The following ASH1L variants were observed in gnomAD, a reference collection of about 807,000 sequenced individuals.
The protein encoded by ASH1L is histone-lysine N-methyltransferase ASH1L.
ASH1L carries 23 observed loss-of-function variants against 269.0 expected under a neutral mutation model. The ratio of observed to expected loss-of-function variants is 0.09; its 90% CI spans 0.06 to 0.12. ASH1L has a LOEUF of 0.12. Among genes scored for constraint, ASH1L ranks in the 10% least tolerant of loss-of-function variants. The probability of loss-of-function intolerance (pLI) is 1.00; values close to 1 mark genes in which losing one functional copy is unlikely to be tolerated. For missense variants in ASH1L, 2,912 were observed against 3,567.8 expected (o/e 0.82, Z 4.68); for synonymous variants, 1,187 against 1,253.5 (o/e 0.95, Z 1.12).
chr1:155,364,333 C>T (rs774027821), intron 12 of ASH1L, among the ~76,000 whole-genome samples: 9 of 152,108 alleles, frequency 5.9e-5, no homozygotes, highest in Non-Finnish European at 8.8e-5. Flanking sequence ...CACTAATTTC[C>T]GCTGGGGACA....
rs941197272 is a variant in ASH1L at position 155,521,506 on chromosome 1, T to C, written c.14A>G (p.Asn5Ser). ...AGAACCCAATCCTAACATAGCAGTA[T>C]TTCTAGGGTCCATCACAAGCGTATG... MDPR[N>S]TAMLGLGSDS... Residue 5 changes from asparagine to serine, a missense_variant, in exon 2 of 28, where the codon AAT (asparagine) becomes AGT (serine). By Grantham distance (46) the Asn-to-Ser change is conservative. Coordinates refer to ENST00000392403, the MANE Select transcript of ASH1L (RefSeq NM_018489.3). 1.2e-6 allele frequency: 2 copies of C among 1,610,740 alleles called. No homozygotes were observed. The highest frequency in any genetic ancestry group is 2.7e-5 in the African/African-American group (2 of 74,752).
intron 5 of ASH1L, among the ~76,000 whole-genome samples, chr1:155,418,873 T>A (rs183103464): frequency 3.3e-5 from 5 of 150,952 alleles, no homozygotes; most frequent in Admixed American, 2.0e-4. Flanking sequence ...ATTGTGACCA[T>A]CCTGGCTAAC....
intron 15 of ASH1L, among the ~76,000 whole-genome samples, chr1:155,356,219 G>C (rs1445945034): frequency 6.6e-6 from 1 of 152,108 alleles, no homozygotes; most frequent in Admixed American, 6.5e-5. Flanking sequence ...TTACAGGTGT[G>C]AGCCACTGCG....
chr1:155,509,614 C>G (rs1427528798), intron 2 of ASH1L, among the ~76,000 whole-genome samples: 1 of 151,936 alleles, frequency 6.6e-6, no homozygotes, highest in Non-Finnish European at 1.5e-5. Context: ...GCCTGACCAA[C>G]GTGAGGAAAG....
At chr1:155,420,847 T>TAAA (rs59908021) in intron 5 of ASH1L, among the ~76,000 whole-genome samples, 26 of 136,742 alleles carry the variant, frequency 1.9e-4, no homozygotes, top group African/African-American at 5.5e-4. Context: ...AAGGCTCCAT[T>TAAA]AAAAAAAAAA....
At position 155,483,565 on chromosome 1, in the gene ASH1L, G is replaced by A. The variant is rs367893599; in HGVS notation, c.421-1116C>T. 1.6e-4 allele frequency among the ~76,000 whole-genome samples: 24 copies of A among 152,058 alleles called. No individual in the cohort carries two copies. The South Asian group carries it at 2.3e-3, about 14-fold the overall frequency. On this transcript the variant is annotated intron_variant, in intron 2 of 27. Transcript: ENST00000392403. ...TATGAAAATGTACTGCATGGAAAACGCTACAATCTAGTTATAAACTAGAAA... is the reference window on the plus strand; with the variant it reads ...TATGAAAATGTACTGCATGGAAAACACTACAATCTAGTTATAAACTAGAAA...
chr1:155,470,726 AT>A (rs1183869618), intron 3 of ASH1L, among the ~76,000 whole-genome samples: 2 of 151,558 alleles, frequency 1.3e-5, no homozygotes, highest in Non-Finnish European at 2.9e-5. Flanking sequence ...TAATTTTTGT[AT>A]TTTTAGTAGA....
rs950693264 is a variant in ASH1L at position 155,343,260 on chromosome 1, C to T, written c.8293+54G>A. ...CCTCCCACACCGCTGGGATTATCAG[C>T]GTGAGCCACTGCACTTGGCCGAGGT... On this transcript the variant is annotated intron_variant, in intron 24 of 27. Coordinates refer to ENST00000392403, the MANE Select transcript of ASH1L (RefSeq NM_018489.3). This position sits in a 1 kb window ranked among gnomAD's most constrained non-coding sequence, Gnocchi z 6.1. 48 of 1,562,862 alleles carry T rather than the reference C, an allele frequency of 3.1e-5. No homozygotes were observed. The highest frequency in any genetic ancestry group is 8.1e-5 in the African/African-American group (6 of 73,746).
intron 2 of ASH1L, among the ~76,000 whole-genome samples, chr1:155,511,007 T>C (rs1418373626): frequency 6.6e-6 from 1 of 152,148 alleles, no homozygotes; most frequent in Non-Finnish European, 1.5e-5. Context: ...TCTCAACTTT[T>C]GAACCTCAAA....
intron 5 of ASH1L, among the ~76,000 whole-genome samples, chr1:155,435,292 A>G (rs1661998940): frequency 6.6e-6 from 1 of 152,220 alleles, no homozygotes; most frequent in Admixed American, 6.5e-5. Flanking sequence ...GTATTACATA[A>G]GTGACATAAA....
intron 12 of ASH1L, among the ~76,000 whole-genome samples, chr1:155,364,078 G>C (rs995468688): frequency 6.6e-6 from 1 of 152,054 alleles, no homozygotes; most frequent in Non-Finnish European, 1.5e-5. Flanking sequence ...AGGATCGCTT[G>C]AGCCCAAGAG....
In ASH1L at chr1:155,370,892, G is replaced by A. The variant is rs1254410528; in HGVS notation, c.6424C>T (p.Leu2142=). ...TTTTCCTCAGCTCGAAATCGTTCTA[G>A]ACATTGCACCCATTCATGCCTCTGT... ...RIQRHEWVQC[L]ERFRAEEKGW... The change falls in exon 11 of 28, where the codon CTA becomes TTA. Residue 2142 remains leucine, a synonymous_variant. Transcript: ENST00000392403. The A allele has an allele frequency of 1.9e-6, 3 of 1,614,054 alleles. No homozygotes were observed. Among genetic ancestry groups the A allele is most frequent in the Admixed American group, 1.7e-5 (1 of 59,990 alleles).
At chr1:155,365,883 A>G (rs994516539) in intron 12 of ASH1L, among the ~76,000 whole-genome samples, 1 of 152,214 alleles carries the variant, frequency 6.6e-6, no homozygotes, top group Non-Finnish European at 1.5e-5. Flanking sequence ...ATAGGCAGGA[A>G]TATCATCACC....
intron 2 of ASH1L, among the ~76,000 whole-genome samples, chr1:155,515,423 T>C (rs61812096): frequency 0.025 from 3,819 of 152,318 alleles, 222 homozygotes; most frequent in Admixed American, 0.14. Context: ...GCACAGATTT[T>C]TATGCTACAG....
At chr1:155,420,557 T>A (rs1277712380) in intron 5 of ASH1L, among the ~76,000 whole-genome samples, 34 of 143,342 alleles carry the variant, frequency 2.4e-4, no homozygotes, top group African/African-American at 5.3e-4. Context: ...ACAATGAATT[T>A]AAAAAAAAAA....
chr1:155,465,930 TG>T (rs938004071), intron 3 of ASH1L, among the ~76,000 whole-genome samples: 3 of 152,192 alleles, frequency 2.0e-5, no homozygotes, highest in Admixed American at 6.5e-5. Context: ...AGGTAAAAGC[TG>T]GGTCCACAAT....
In ASH1L at chr1:155,434,248, A is replaced by G; in HGVS notation, c.5828+4079T>C. On this transcript the variant is annotated intron_variant, in intron 5 of 27. Transcript: ENST00000392403. ...CTCCGTCACCACCCTGGGCTCTCCC[A>G]TGCATTCAAACTGAGGTGCCTGCCC... 6 of 1,601,372 alleles carry G rather than the reference A, an allele frequency of 3.7e-6. No homozygotes were observed. In the South Asian group the frequency reaches 5.6e-5, roughly 15 times the overall value.
chr1:155,562,616 G>C lies in ASH1L; in HGVS notation c.-563C>G, dbSNP rs1259996481. ...CGCACGCCCGCCCGCACGCGTACGA[G>C]TGTCTACGGGCTCGTCGCTGGCTGC... On this transcript the variant is annotated 5_prime_UTR_variant, in exon 1 of 28. Coordinates refer to ENST00000392403, the MANE Select transcript of ASH1L (RefSeq NM_018489.3). 2 of 1,527,456 alleles carry C rather than the reference G, an allele frequency of 1.3e-6. No individual in the cohort carries two copies. The highest frequency in any genetic ancestry group is 4.0e-5 in the Admixed American group (2 of 50,604). The allele number at this position is 1,527,456 out of a possible 1,614,324, so 94.6% of individuals were successfully genotyped here. A position where few individuals can be genotyped will look rare whatever the true frequency, so the allele number is the denominator to read the frequency against.
At chr1:155,359,516 C>G (rs1037000586) in intron 13 of ASH1L, among the ~76,000 whole-genome samples, 8 of 152,172 alleles carry the variant, frequency 5.3e-5, no homozygotes, top group Non-Finnish European at 8.8e-5. Context: ...ACCTTGTGAT[C>G]TGCCTGCCTT....
Sources: allele counts gnomAD v4.1 joint callset (sites outside exome capture counted in the v4.1 genomes callset), GRCh38; gene constraint gnomAD v4.1.1; non-coding constraint Gnocchi (gnomAD v3.1); transcripts MANE v1.5; gene names NCBI Gene and HGNC (gene_info 2026-07-23, HGNC 2026-07-21).